The following FHIT variants were observed in gnomAD, a reference collection of about 807,000 sequenced individuals.
The protein encoded by FHIT is fragile histidine triad diadenosine triphosphatase.
Under a neutral mutation model 17.9 loss-of-function variants are expected in FHIT, and 19 were observed. The observed-to-expected ratio is 1.06, with a 90% CI of 0.74 to 1.56. The LOEUF (loss-of-function observed/expected upper bound fraction) is 1.56, where lower values mean the gene tolerates loss of function less well. Ranked by LOEUF, FHIT falls within the 40% of genes most tolerant of loss-of-function variation. The probability of loss-of-function intolerance (pLI) is 0.00; values close to 1 mark genes in which losing one functional copy is unlikely to be tolerated. For missense variants in FHIT, 248 were observed against 189.2 expected (o/e 1.31, Z -1.82); for synonymous variants, 81 against 69.7 (o/e 1.16, Z -0.81).
chr3:60,232,220 G>A (rs1053742700), intron 5 of FHIT, among the ~76,000 whole-genome samples: 1 of 152,106 alleles, frequency 6.6e-6, no homozygotes, highest in Non-Finnish European at 1.5e-5. Context: ...GGAAAAATAA[G>A]GTCACTCTAC....
chr3:61,063,654 C>T (rs559223159), intron 2 of FHIT, among the ~76,000 whole-genome samples: 7 of 152,098 alleles, frequency 4.6e-5, no homozygotes, highest in Non-Finnish European at 7.4e-5. Context: ...GGGGCCAGGA[C>T]GTTAACATAC....
At position 60,785,897 on chromosome 3, in the gene FHIT, ACACACACACACAC is replaced by A. The variant is rs1559720903; in HGVS notation, c.-18+36009_-18+36021del. On this transcript the variant is annotated intron_variant, in intron 4 of 9. Transcript: ENST00000492590. ...CTAACTCAAATGCAACAAACAGAAG[ACACACACACACAC>A]ACACACACACACACACACACACACA... Among the ~76,000 whole-genome samples, 1,120 of 133,508 alleles carry A rather than the reference ACACACACACACAC, an allele frequency of 8.4e-3. 19 individuals carry two copies. The highest frequency in any genetic ancestry group is 0.027 in the African/African-American group (987 of 36,978). The allele number at this position is 133,508 out of a possible 152,430, so 87.6% of individuals were successfully genotyped here. A position where few individuals can be genotyped will look rare whatever the true frequency, so the allele number is the denominator to read the frequency against.
At chr3:61,199,343 G>A (rs778764403) in intron 2 of FHIT, among the ~76,000 whole-genome samples, 2 of 152,154 alleles carry the variant, frequency 1.3e-5, no homozygotes, top group Non-Finnish European at 2.9e-5. Context: ...ATTTCTAAAA[G>A]CTATCAAGTA....
At chr3:60,839,168 G>A (rs577242312) in intron 3 of FHIT, among the ~76,000 whole-genome samples, 29 of 152,250 alleles carry the variant, frequency 1.9e-4, no homozygotes, top group Admixed American at 6.5e-4. Flanking sequence ...CCGAACAGAC[G>A]AAAATGGTGA....
At chr3:60,271,486 C>T (rs545161855) in intron 5 of FHIT, among the ~76,000 whole-genome samples, 104 of 152,238 alleles carry the variant, frequency 6.8e-4, no homozygotes, top group Admixed American at 1.1e-3. Flanking sequence ...TTATGTTATT[C>T]CCTATTAGCA....
chr3:59,963,241 T>A (rs547776519), intron 7 of FHIT, among the ~76,000 whole-genome samples: 1 of 152,134 alleles, frequency 6.6e-6, no homozygotes, highest in South Asian at 2.1e-4. Flanking sequence ...CACTCCAGCC[T>A]GGGTGACAGA....
At chr3:60,108,638 G>T (rs915010819) in intron 5 of FHIT, among the ~76,000 whole-genome samples, 1 of 150,956 alleles carries the variant, frequency 6.6e-6, no homozygotes, top group Non-Finnish European at 1.5e-5. Flanking sequence ...GCATTTCTTG[G>T]CCTTTAATCC....
At chr3:60,693,580 A>G (rs531577617) in intron 4 of FHIT, among the ~76,000 whole-genome samples, 1 of 152,328 alleles carries the variant, frequency 6.6e-6, no homozygotes, top group African/African-American at 2.4e-5. Context: ...AGGCATATTA[A>G]GTCTAAGGAG....
chr3:61,035,419 T>C (rs2033193397), intron 3 of FHIT, among the ~76,000 whole-genome samples: 1 of 152,212 alleles, frequency 6.6e-6, no homozygotes, highest in South Asian at 2.1e-4. Flanking sequence ...TCCAAAAAAA[T>C]TACATTACAG....
intron 4 of FHIT, among the ~76,000 whole-genome samples, chr3:60,688,116 G>T (rs1173494096): frequency 6.6e-6 from 1 of 152,056 alleles, no homozygotes; most frequent in Non-Finnish European, 1.5e-5. Context: ...ATATACAGTT[G>T]TTGTATTTTA....
At chr3:60,759,231 G>A (rs1224959808) in intron 4 of FHIT, among the ~76,000 whole-genome samples, 1 of 152,126 alleles carries the variant, frequency 6.6e-6, no homozygotes, top group Non-Finnish European at 1.5e-5. Context: ...TAGGTTCAAG[G>A]GGCTCATTCT....
At chr3:60,682,074 C>A (rs1402589624) in intron 4 of FHIT, among the ~76,000 whole-genome samples, 2 of 151,854 alleles carry the variant, frequency 1.3e-5, no homozygotes, top group Non-Finnish European at 2.9e-5. Context: ...CGGGTTCAAG[C>A]AATTCTCCTG....
At chr3:61,176,657 T>C (rs1461727410) in intron 2 of FHIT, among the ~76,000 whole-genome samples, 2 of 152,168 alleles carry the variant, frequency 1.3e-5, no homozygotes, top group Non-Finnish European at 2.9e-5. Flanking sequence ...CTAAACGTCT[T>C]CTCCAGCTTT....
At chr3:59,819,408 C>T (rs887050049) in intron 8 of FHIT, among the ~76,000 whole-genome samples, 5 of 152,014 alleles carry the variant, frequency 3.3e-5, no homozygotes, top group African/African-American at 1.2e-4. Flanking sequence ...TTTGTCTGTA[C>T]TTCATATTGC....
chr3:60,052,700 C>T lies in FHIT; in HGVS notation c.104-38548G>A, dbSNP rs115439032. On this transcript the variant is annotated intron_variant, in intron 5 of 9. Transcript: ENST00000492590. ...ACTGTACTGCCACATTTAAAGCCAC[C>T]AGGGGCATCCCATCTAGGATGGGAT... Among the ~76,000 whole-genome samples, 688 of 150,576 alleles carry T rather than the reference C, an allele frequency of 4.6e-3. 5 individuals are homozygous for T. Among genetic ancestry groups the T allele is most frequent in the African/African-American group, 0.016 (638 of 41,106 alleles).
intron 4 of FHIT, among the ~76,000 whole-genome samples, chr3:60,619,244 T>A (rs1450151265): frequency 6.6e-6 from 1 of 152,168 alleles, no homozygotes; most frequent in African/African-American, 2.4e-5. Flanking sequence ...TACAATAAAG[T>A]CCTTTAAATG....
In FHIT at chr3:59,812,636, G is replaced by A. The variant is rs573398007; in HGVS notation, c.349-60315C>T. The stretch of plus-strand genomic sequence containing the variant: ...ATGCACGCACATTAATTATTCAGTG[G>A]AGACGTCCTTCCTATGGAAATTCAC... On this transcript the variant is annotated intron_variant, in intron 8 of 9. Transcript: ENST00000492590. 1.8e-4 allele frequency among the ~76,000 whole-genome samples: 28 copies of A among 152,234 alleles called. 1 individual carries two copies. The South Asian group carries it at 5.8e-3, about 32-fold the overall frequency.
chr3:60,702,260 C>G (rs1046440771), intron 4 of FHIT, among the ~76,000 whole-genome samples: 22 of 152,036 alleles, frequency 1.4e-4, no homozygotes, highest in African/African-American at 5.1e-4. Context: ...TAACAACATA[C>G]CATTTTAATA....
chr3:60,741,470 A>G (rs1553713853), intron 4 of FHIT, among the ~76,000 whole-genome samples: 1 of 152,238 alleles, frequency 6.6e-6, no homozygotes. Context: ...AAACTGACCA[A>G]TGAGAAAGGT....
Sources: allele counts gnomAD v4.1 joint callset (sites outside exome capture counted in the v4.1 genomes callset), GRCh38; gene constraint gnomAD v4.1.1; transcripts MANE v1.5; gene names NCBI Gene and HGNC (gene_info 2026-07-23, HGNC 2026-07-21).